Variants in LRRC4B observed in about 807,000 individuals in gnomAD.
LRRC4B encodes the protein leucine-rich repeat-containing protein 4B.
A neutral mutation model predicts 7.3 loss-of-function variants in LRRC4B; 1 was observed. The observed-to-expected ratio is 0.14, with a 90% CI of 0.05 to 0.65. The LOEUF (loss-of-function observed/expected upper bound fraction) is 0.65. LRRC4B is among the 30% of genes least tolerant of loss of function. LRRC4B has a pLI of 0.84. For missense variants in LRRC4B, 730 were observed against 1,041.6 expected (o/e 0.70, Z 4.12); for synonymous variants, 500 against 499.2 (o/e 1.00, Z -0.02).
At position 50,548,549 on chromosome 19, in the gene LRRC4B, C is replaced by T. The variant is rs749131448; in HGVS notation, c.290G>A (p.Gly97Asp). The T allele has an allele frequency of 1.3e-6, 2 of 1,595,750 alleles. No homozygotes were observed. Among genetic ancestry groups the T allele is most frequent in the East Asian group, 4.5e-5 (2 of 44,660 alleles). ...NTRYLNLQEN[G>D]IQVIRTDTFK... ...CCCGCTGGCCCCGCATACCTGGATG[C>T]CGTTCTCTTGCAGGTTCAGGTACCG... The change falls in exon 2 of 3, where the codon GGC becomes GAC. Residue 97 changes from glycine (G) to aspartate (D), a missense_variant. Around this residue, in one of 6 missense-constraint regions of LRRC4B, gnomAD observed 143 missense variants for 158.4 expected, o/e 0.90. Coordinates refer to ENST00000652263, the MANE Select transcript of LRRC4B (RefSeq NM_001080457.2). This position sits in a 1 kb window ranked among gnomAD's most constrained non-coding sequence, Gnocchi z 6.8.
intron 2 of LRRC4B, among the ~76,000 whole-genome samples, chr19:50,520,203 C>CAAAAAAAAAAAAAAAAAAAA (rs1173919963): frequency 3.2e-4 from 3 of 9,362 alleles, no homozygotes; most frequent in African/African-American, 9.2e-4. Context: ...AATACCCTGT[C>CAAAAAAAAAAAAAAAAAAAA]AAAAAAAAAA....
chr19:50,560,582 G>A lies in LRRC4B; in HGVS notation c.-36+7362C>T, dbSNP rs1009783268. On this transcript the variant is annotated intron_variant, in intron 1 of 2. Coordinates refer to ENST00000652263, the MANE Select transcript of LRRC4B (RefSeq NM_001080457.2). ...TTCTCCTCGTCTACCTCATCACACC[G>A]TCCTGTGAAGAGGAAGGATGGAGAG... is the stretch of plus-strand genomic sequence containing the variant. Among the ~76,000 whole-genome samples, 6 of 152,324 alleles carry A rather than the reference G, an allele frequency of 3.9e-5. No homozygotes were observed. In the South Asian group the frequency reaches 8.3e-4, roughly 21 times the overall value.
At chr19:50,538,756 A>G (rs1050490863) in intron 2 of LRRC4B, among the ~76,000 whole-genome samples, 1 of 151,134 alleles carries the variant, frequency 6.6e-6, no homozygotes, top group Non-Finnish European at 1.5e-5. Context: ...TTTAGTAGAG[A>G]TGGGGTCTTG....
chr19:50,523,477 A>G (rs1383325391), intron 2 of LRRC4B, among the ~76,000 whole-genome samples: 2 of 146,142 alleles, frequency 1.4e-5, no homozygotes, highest in Non-Finnish European at 3.0e-5. Context: ...TGGGAGTTTG[A>G]GACCAGCCTG....
intron 1 of LRRC4B, among the ~76,000 whole-genome samples, chr19:50,554,669 G>A (rs984857181): frequency 3.3e-5 from 5 of 152,168 alleles, no homozygotes; most frequent in African/African-American, 9.7e-5. Flanking sequence ...AGGTGGTAAC[G>A]TCCAACACAC....
chr19:50,543,869 A>T (rs1453443040), intron 2 of LRRC4B, among the ~76,000 whole-genome samples: 1 of 150,310 alleles, frequency 6.7e-6, no homozygotes, highest in Non-Finnish European at 1.5e-5. Flanking sequence ...AAAAAAAAAA[A>T]AAAAGAAAGA....
chr19:50,550,816 C>T (rs1357927114), intron 1 of LRRC4B: 1 of 152,338 alleles, frequency 6.6e-6, no homozygotes, highest in Non-Finnish European at 1.5e-5. Context: ...TGAGGGTCTT[C>T]ATTTTCCTGA....
chr19:50,546,061 G>A (rs556346816), intron 2 of LRRC4B, among the ~76,000 whole-genome samples: 5 of 151,858 alleles, frequency 3.3e-5, no homozygotes, highest in South Asian at 2.1e-4. Flanking sequence ...TGGGCCAGGC[G>A]TGGTGGCTCA....
At position 50,563,360 on chromosome 19, in the gene LRRC4B, G is replaced by T. The variant is rs1162977543; in HGVS notation, c.-36+4584C>A. On this transcript the variant is annotated intron_variant, in intron 1 of 2. Coordinates refer to ENST00000652263, the MANE Select transcript of LRRC4B (RefSeq NM_001080457.2). This position sits in a 1 kb window ranked among gnomAD's most constrained non-coding sequence, Gnocchi z 4.9. ...AAGGGAAGGGAGGTTCTCCCCAGTG[G>T]GGACAAAGGGTCTCCAAACTCAGAG... Among the ~76,000 whole-genome samples, 1 of 152,126 alleles carries T rather than the reference G, an allele frequency of 6.6e-6. No individual in the cohort carries two copies. The highest frequency in any genetic ancestry group is 1.5e-5 in the Non-Finnish European group (1 of 68,010).
rs556063709 is a variant in LRRC4B, at chr19:50,544,234, C to T, written c.297+4308G>A. Among the ~76,000 whole-genome samples, 45 of 149,110 alleles carry T rather than the reference C, an allele frequency of 3.0e-4. 1 individual carries two copies. In the South Asian group the frequency reaches 8.1e-3, roughly 27 times the overall value. On this transcript the variant is annotated intron_variant, in intron 2 of 2. Transcript: ENST00000652263. ...AAAAAAATAAAAAATAGGCCGGGCG[C>T]AGTGGCTCATGCCTGTAATCCCAGC...
chr19:50,521,609 G>A (rs1980581698), intron 2 of LRRC4B, among the ~76,000 whole-genome samples: 1 of 152,078 alleles, frequency 6.6e-6, no homozygotes, highest in Non-Finnish European at 1.5e-5. Flanking sequence ...TGTATTTTTA[G>A]TAGAGATGGG....
In LRRC4B at chr19:50,556,142, C is replaced by G. The variant is rs1001590324; in HGVS notation, c.-35-7269G>C. Among the ~76,000 whole-genome samples the G allele has an allele frequency of 4.6e-5, 7 of 152,094 alleles. No individual in the cohort carries two copies. The highest frequency in any genetic ancestry group is 1.7e-4 in the African/African-American group (7 of 41,408). On this transcript the variant is annotated intron_variant, in intron 1 of 2. Transcript: ENST00000652263. The surrounding 1 kb of genome is among the most constrained non-coding windows in gnomAD (Gnocchi z 4.2). Reference sequence around the variant, plus strand: ...CCTTAGGGAAAGGGCAGTCCAGGCCCCCTAGGAGCTGCTGATGAGGAAGCA... The same window carrying G: ...CCTTAGGGAAAGGGCAGTCCAGGCCGCCTAGGAGCTGCTGATGAGGAAGCA...
At chr19:50,536,454 C>T (rs78384272) in intron 2 of LRRC4B, among the ~76,000 whole-genome samples, 12,165 of 152,194 alleles carry the variant, frequency 0.08, 1,587 homozygotes, top group African/African-American at 0.28. Flanking sequence ...ACTTTCTGAA[C>T]GACCTCTTTC....
At chr19:50,528,655 T>G (rs1272442431) in intron 2 of LRRC4B, among the ~76,000 whole-genome samples, 3 of 152,186 alleles carry the variant, frequency 2.0e-5, no homozygotes, top group Non-Finnish European at 4.4e-5. Flanking sequence ...GATTTTTTTC[T>G]TAATAGGCTT....
Position 50,555,354 on chromosome 19 carries a change from G to C in LRRC4B, c.-35-6481C>G, listed in dbSNP as rs1287493013. 1 of 152,480 alleles carries C rather than the reference G, an allele frequency of 6.6e-6. No individual in the cohort carries two copies. The highest frequency in any genetic ancestry group is 1.5e-5 in the Non-Finnish European group (1 of 68,262). The allele number at this position is 152,480 out of a possible 1,614,324, so 9.4% of individuals were successfully genotyped here. ...CTCTCCCACCGCAGCTGCCCCGGGA[G>C]AGGACCCATCACAAGGGTACACCTG... On this transcript the variant is annotated intron_variant, in intron 1 of 2. Transcript: ENST00000652263. This position sits in a 1 kb window ranked among gnomAD's most constrained non-coding sequence, Gnocchi z 5.2.
rs1029912964 is a variant in LRRC4B at position 50,556,656 on chromosome 19, G to A, written c.-35-7783C>T. Among the ~76,000 whole-genome samples the A allele has an allele frequency of 1.3e-5, 2 of 152,210 alleles. No individual in the cohort carries two copies. Among genetic ancestry groups the A allele is most frequent in the African/African-American group, 4.8e-5 (2 of 41,446 alleles). ...TTCCTGCTAAGAGGGGAGCCCCTGA[G>A]GGCTTTGCCGCGGCGTCCACGGCTG... On this transcript the variant is annotated intron_variant, in intron 1 of 2. Coordinates refer to ENST00000652263, the MANE Select transcript of LRRC4B (RefSeq NM_001080457.2). The surrounding 1 kb of genome is among the most constrained non-coding windows in gnomAD (Gnocchi z 4.2).
chr19:50,544,031 C>T (rs1981683458), intron 2 of LRRC4B, among the ~76,000 whole-genome samples: 1 of 150,394 alleles, frequency 6.6e-6, no homozygotes, highest in East Asian at 2.0e-4. Flanking sequence ...CATGGTGAAA[C>T]CCCGTTTCTA....
chr19:50,548,488 A>C lies in LRRC4B; in HGVS notation c.297+54T>G. On this transcript the variant is annotated intron_variant, in intron 2 of 2. Coordinates refer to ENST00000652263, the MANE Select transcript of LRRC4B (RefSeq NM_001080457.2). This position sits in a 1 kb window ranked among gnomAD's most constrained non-coding sequence, Gnocchi z 6.8. ...CCCAGAAGGGATGGGCTACATCTGC[A>C]TGCCTCCCCAGTGTCCCCTCCAAGG... The C allele has an allele frequency of 3.9e-6, 6 of 1,546,084 alleles. No individual in the cohort carries two copies. The highest frequency in any genetic ancestry group is 5.2e-6 in the Non-Finnish European group (6 of 1,152,694).
At chr19:50,554,438 G>A (rs763253010) in intron 1 of LRRC4B, among the ~76,000 whole-genome samples, 2 of 152,182 alleles carry the variant, frequency 1.3e-5, no homozygotes, top group Non-Finnish European at 2.9e-5. Context: ...GGTCCCCAGC[G>A]CAGCTCCGTG....
Sources: allele counts gnomAD v4.1 joint callset (sites outside exome capture counted in the v4.1 genomes callset), GRCh38; gene constraint gnomAD v4.1.1; regional missense constraint gnomAD v4.1.1; non-coding constraint Gnocchi (gnomAD v3.1); transcripts MANE v1.5; gene names NCBI Gene and HGNC (gene_info 2026-07-23, HGNC 2026-07-21).